FAM53B: variants seen among roughly 807,000 people sequenced by gnomAD.
FAM53B encodes protein FAM53B.
FAM53B carries 12 observed loss-of-function variants against 32.7 expected under a neutral mutation model. The observed-to-expected ratio is 0.37, with a 90% CI of 0.24 to 0.59. The LOEUF is 0.59. Among genes scored for constraint, FAM53B ranks in the 20% least tolerant of loss-of-function variants. The pLI, the probability that FAM53B is intolerant of heterozygous loss-of-function variation, is 0.72. For missense variants in FAM53B, 477 were observed against 577.7 expected (o/e 0.83, Z 1.79); for synonymous variants, 234 against 228.7 (o/e 1.02, Z -0.21).
rs755602742 is a variant in FAM53B at position 124,651,669 on chromosome 10, T to C, written c.907-28065A>G. On this transcript the variant is annotated intron_variant, in intron 4 of 4. Transcript: ENST00000337318. The surrounding 1 kb of genome is among the most constrained non-coding windows in gnomAD (Gnocchi z 5.2). ...CTCCTCAGGGGAGCACTGTGGAGAC[T>C]GTCAGCTGACTTCCGACCCTGGGGC... Among the ~76,000 whole-genome samples, 3 of 152,030 alleles carry C rather than the reference T, an allele frequency of 2.0e-5. No homozygotes were observed. Among genetic ancestry groups the C allele is most frequent in the African/African-American group, 7.2e-5 (3 of 41,382 alleles).
intron 4 of FAM53B, among the ~76,000 whole-genome samples, chr10:124,667,952 G>A (rs566103309): frequency 3.6e-4 from 55 of 152,274 alleles, no homozygotes; most frequent in Admixed American, 9.8e-4. Context: ...GCAGCGACTT[G>A]CTCAGGGCTA....
chr10:124,735,033 C>G (rs1950165563), intron 1 of FAM53B, among the ~76,000 whole-genome samples: 1 of 152,162 alleles, frequency 6.6e-6, no homozygotes, highest in Admixed American at 6.5e-5. Flanking sequence ...GGAATCACAC[C>G]GCAGGCCGAG....
At chr10:124,725,244 G>C (rs921202547) in intron 1 of FAM53B, among the ~76,000 whole-genome samples, 1 of 152,214 alleles carries the variant, frequency 6.6e-6, no homozygotes, top group African/African-American at 2.4e-5. Flanking sequence ...TTAGATGTGA[G>C]CATGGCTGAC....
intron 3 of FAM53B, among the ~76,000 whole-genome samples, chr10:124,692,771 T>C (rs1380712251): frequency 6.7e-6 from 1 of 149,094 alleles, no homozygotes; most frequent in Non-Finnish European, 1.5e-5. Context: ...TTTATATTAG[T>C]TATGTGTTTT....
At chr10:124,634,600 T>C (rs1949414794) in intron 4 of FAM53B, among the ~76,000 whole-genome samples, 1 of 152,238 alleles carries the variant, frequency 6.6e-6, no homozygotes, top group Non-Finnish European at 1.5e-5. Context: ...CCTTCCGCCA[T>C]GACTGTAAGT....
chr10:124,636,560 C>T (rs1949433393), intron 4 of FAM53B, among the ~76,000 whole-genome samples: 1 of 152,162 alleles, frequency 6.6e-6, no homozygotes, highest in African/African-American at 2.4e-5. Context: ...CACTGTTTTG[C>T]TGTACAGAGG....
chr10:124,671,933 C>T (rs4962682), intron 4 of FAM53B, among the ~76,000 whole-genome samples: 140,621 of 152,284 alleles, frequency 0.92, 65,644 homozygotes, highest in Non-Finnish European at 0.99. Flanking sequence ...AGCATGGGGA[C>T]TGCAGCAAAG....
At chr10:124,699,579 G>C (rs1413490518) in intron 2 of FAM53B, among the ~76,000 whole-genome samples, 3 of 152,378 alleles carry the variant, frequency 2.0e-5, no homozygotes, top group Non-Finnish European at 4.4e-5. Context: ...GCCACTGCTT[G>C]CTCCTCACTG....
intron 1 of FAM53B, among the ~76,000 whole-genome samples, chr10:124,730,708 G>A (rs1950137114): frequency 6.6e-6 from 1 of 152,198 alleles, no homozygotes. Flanking sequence ...TATTAAGCAT[G>A]TGACACGTGG....
In FAM53B at chr10:124,692,431, T is replaced by C. The variant is rs917496091; in HGVS notation, c.133+3727A>G. On this transcript the variant is annotated intron_variant, in intron 3 of 4. Transcript: ENST00000337318. ...TAAATAAATAAATAAATAAAAAGCA[T>C]AGGCCAGGCGCGGTGGCTCATGCCT... Among the ~76,000 whole-genome samples the C allele has an allele frequency of 2.0e-5, 3 of 152,232 alleles. No homozygotes were observed. The South Asian group carries it at 6.2e-4, about 32-fold the overall frequency.
chr10:124,667,527 T>C (rs1333655024), intron 4 of FAM53B: 1 of 703,148 alleles, frequency 1.4e-6, no homozygotes, highest in African/African-American at 1.8e-5. Flanking sequence ...ACCTGTGTGG[T>C]CAGAGGCTGC....
chr10:124,663,017 G>C (rs1949644629), intron 4 of FAM53B, among the ~76,000 whole-genome samples: 1 of 152,218 alleles, frequency 6.6e-6, no homozygotes, highest in South Asian at 2.1e-4. Context: ...GCAGGAACGA[G>C]AAACGGTCAC....
intron 1 of FAM53B, among the ~76,000 whole-genome samples, chr10:124,723,013 C>A (rs2087868828): frequency 6.6e-6 from 1 of 152,220 alleles, no homozygotes; most frequent in South Asian, 2.1e-4. Flanking sequence ...AGCCTCCAGA[C>A]TCTCTAACCT....
intron 4 of FAM53B, among the ~76,000 whole-genome samples, chr10:124,650,735 G>C (rs972814995): frequency 1.3e-5 from 2 of 152,164 alleles, no homozygotes; most frequent in Non-Finnish European, 2.9e-5. Flanking sequence ...TACTTCTGCA[G>C]ATGACCAATT....
At chr10:124,693,095 A>G (rs1378277301) in intron 3 of FAM53B, among the ~76,000 whole-genome samples, 3 of 152,170 alleles carry the variant, frequency 2.0e-5, no homozygotes, top group Non-Finnish European at 4.4e-5. Context: ...TTATCTTCGC[A>G]CAGCATTGTC....
At chr10:124,625,037 G>A (rs1025245695) in intron 4 of FAM53B, among the ~76,000 whole-genome samples, 1 of 152,210 alleles carries the variant, frequency 6.6e-6, no homozygotes, top group Non-Finnish European at 1.5e-5. Flanking sequence ...CGCCTCCCTC[G>A]CCGCACGCCT....
chr10:124,696,220 C>T lies in FAM53B; in HGVS notation c.79-8G>A. On this transcript the variant is annotated splice_polypyrimidine_tract_variant and splice_region_variant and intron_variant, in intron 2 of 4. Coordinates refer to ENST00000337318, the MANE Select transcript of FAM53B (RefSeq NM_014661.4). ...CATCTTCTTTGGCGTGTGCTGAAAA[C>T]AACCAGAAAAGCTATTCACTCTTCA... 6.2e-7 allele frequency: 1 copy of T among 1,613,568 alleles called. No individual in the cohort carries two copies. The highest frequency in any genetic ancestry group is 1.1e-5 in the South Asian group (1 of 91,074).
At chr10:124,667,718 C>T (rs1035643059) in intron 4 of FAM53B, among the ~76,000 whole-genome samples, 2 of 152,260 alleles carry the variant, frequency 1.3e-5, no homozygotes, top group Non-Finnish European at 2.9e-5. Flanking sequence ...TGCCCTCAAG[C>T]TAATGAGAAT....
intron 1 of FAM53B, among the ~76,000 whole-genome samples, chr10:124,727,480 G>A (rs776876136): frequency 3.3e-5 from 5 of 152,052 alleles, no homozygotes; most frequent in Admixed American, 2.0e-4. Flanking sequence ...ATTAGTGCCC[G>A]GAGTACTGGC....
Sources: allele counts gnomAD v4.1 joint callset (sites outside exome capture counted in the v4.1 genomes callset), GRCh38; gene constraint gnomAD v4.1.1; non-coding constraint Gnocchi (gnomAD v3.1); transcripts MANE v1.5; gene names NCBI Gene and HGNC (gene_info 2026-07-23, HGNC 2026-07-21).